The following BBOX1 variants were observed in gnomAD, a reference collection of about 807,000 sequenced individuals.
BBOX1 encodes the protein gamma-butyrobetaine hydroxylase 1, also known as gamma-butyrobetaine dioxygenase.
In BBOX1, 35 loss-of-function variants were observed where a neutral mutation model predicts 41.6. The observed-to-expected ratio is 0.84, with a 90% confidence interval of 0.64 to 1.11. The LOEUF is 1.11. BBOX1 is among the 50% of genes most tolerant of loss of function. The pLI, the probability that BBOX1 is intolerant of heterozygous loss-of-function variation, is 0.00. For synonymous variants in BBOX1, 163 were observed against 154.7 expected, an observed-to-expected ratio of 1.05 and a Z score of -0.40; for missense variants, 458 against 460.6, an observed-to-expected ratio of 0.99 and a Z score of 0.05.
chr11:27,108,457 T>C (rs929279982), intron 5 of BBOX1, among the ~76,000 whole-genome samples: 3 of 152,140 alleles, frequency 2.0e-5, no homozygotes, highest in African/African-American at 7.2e-5. Context: ...AATTACTTTT[T>C]TGATCTCCTT....
intron 7 of BBOX1, among the ~76,000 whole-genome samples, chr11:27,122,511 G>A (rs1017576205): frequency 1.3e-5 from 2 of 152,098 alleles, no homozygotes; most frequent in Admixed American, 6.5e-5. Context: ...CACACTTACT[G>A]GGGGGAGATT....
chr11:27,059,951 T>C (rs1857091906), intron 4 of BBOX1, among the ~76,000 whole-genome samples: 2 of 152,222 alleles, frequency 1.3e-5, no homozygotes, highest in Admixed American at 1.3e-4. Flanking sequence ...GATGAAACTT[T>C]AAACTTCAGA....
chr11:27,104,674 A>G (rs141748296), intron 5 of BBOX1, among the ~76,000 whole-genome samples: 1,687 of 152,252 alleles, frequency 0.011, 31 homozygotes, highest in African/African-American at 0.039. Context: ...AAAAAATGGC[A>G]TGAGAACAAA....
rs561378899 is a variant in BBOX1 at position 27,076,406 on chromosome 11, C to T, written c.335-16762C>T. On this transcript the variant is annotated intron_variant, in intron 4 of 8. Transcript: ENST00000263182. ...CAGGACCTCCTGGTTAGCCATGGTG[C>T]TGCAGGCAACGGTGATAGCTGAGGT... Among the ~76,000 whole-genome samples the T allele has an allele frequency of 2.0e-5, 3 of 152,312 alleles. No individual in the cohort carries two copies. The South Asian group carries it at 6.2e-4, about 32-fold the overall frequency.
At chr11:27,064,400 C>T (rs947698736) in intron 4 of BBOX1, among the ~76,000 whole-genome samples, 4 of 152,122 alleles carry the variant, frequency 2.6e-5, no homozygotes, top group African/African-American at 9.7e-5. Flanking sequence ...AACTCAGATA[C>T]ACAGGTGGGA....
At chr11:27,112,861 G>A (rs560941864) in intron 5 of BBOX1, among the ~76,000 whole-genome samples, 1 of 151,826 alleles carries the variant, frequency 6.6e-6, no homozygotes, top group African/African-American at 2.4e-5. Context: ...ACAACAAAGT[G>A]AACAGACAAC....
rs977940223 is a variant in BBOX1 at position 27,085,651 on chromosome 11, C to A, written c.335-7517C>A. 2.6e-5 allele frequency among the ~76,000 whole-genome samples: 4 copies of A among 151,494 alleles called. No individual in the cohort carries two copies. In the East Asian group the frequency reaches 7.8e-4, roughly 29 times the overall value. ...TATTTAAGTTAGGCAAATTAATAACCCCACAATGACCTCTAAGTCTTTCAG... is the reference window on the plus strand; with the variant it reads ...TATTTAAGTTAGGCAAATTAATAACACCACAATGACCTCTAAGTCTTTCAG... On this transcript the variant is annotated intron_variant, in intron 4 of 8. Coordinates refer to ENST00000263182, the MANE Select transcript of BBOX1 (RefSeq NM_003986.3).
chr11:27,053,999 A>G (rs1856893982), intron 2 of BBOX1, among the ~76,000 whole-genome samples: 1 of 152,186 alleles, frequency 6.6e-6, no homozygotes, highest in Admixed American at 6.5e-5. Context: ...ATCCAAGCCA[A>G]TGATCTGAGG....
intron 2 of BBOX1, among the ~76,000 whole-genome samples, chr11:27,054,646 T>C (rs1856924422): frequency 6.6e-6 from 1 of 152,114 alleles, no homozygotes; most frequent in Admixed American, 6.5e-5. Flanking sequence ...CCAAGTAATA[T>C]GAAGGTATAC....
At chr11:27,098,597 T>C (rs1858532388) in intron 5 of BBOX1, among the ~76,000 whole-genome samples, 1 of 152,118 alleles carries the variant, frequency 6.6e-6, no homozygotes, top group Non-Finnish European at 1.5e-5. Context: ...TATCATACTA[T>C]AATTCTGGTA....
intron 6 of BBOX1, among the ~76,000 whole-genome samples, chr11:27,117,530 G>C (rs1859311006): frequency 6.6e-6 from 1 of 151,928 alleles, no homozygotes; most frequent in Non-Finnish European, 1.5e-5. Flanking sequence ...AGAGTTAAGA[G>C]CCAAATTAAT....
intron 5 of BBOX1, among the ~76,000 whole-genome samples, chr11:27,095,811 C>G (rs1858418611): frequency 6.6e-6 from 1 of 151,890 alleles, no homozygotes; most frequent in Non-Finnish European, 1.5e-5. Flanking sequence ...TTTTCTCTAA[C>G]ATTGTCCCCT....
At chr11:27,105,786 C>T (rs1027160930) in intron 5 of BBOX1, among the ~76,000 whole-genome samples, 5 of 152,138 alleles carry the variant, frequency 3.3e-5, no homozygotes, top group Non-Finnish European at 4.4e-5. Flanking sequence ...AGACACATAA[C>T]TGTCAGATTC....
At chr11:27,081,126 A>G (rs572599213) in intron 4 of BBOX1, among the ~76,000 whole-genome samples, 1 of 152,266 alleles carries the variant, frequency 6.6e-6, no homozygotes, top group South Asian at 2.1e-4. Context: ...ACAAAGGATC[A>G]TATCAGATGT....
chr11:27,123,525 G>T (rs1303760487), intron 7 of BBOX1, among the ~76,000 whole-genome samples: 1 of 151,882 alleles, frequency 6.6e-6, no homozygotes. Flanking sequence ...TGACACAGAG[G>T]ATAATGTTAT....
chr11:27,075,192 C>A (rs1488238542), intron 4 of BBOX1, among the ~76,000 whole-genome samples: 1 of 152,030 alleles, frequency 6.6e-6, no homozygotes, highest in African/African-American at 2.4e-5. Context: ...TTTATTGCAG[C>A]CTTATTCAGC....
rs148033507 is a variant in BBOX1 at position 27,055,438 on chromosome 11, G to C, written c.8G>C (p.Cys3Ser). Reference sequence around the variant, plus strand: ...CTCCTGAAGACCGGAAACATGGCTTGTACCATCCAAAAGGCAGAAGCACTT... The same window carrying C: ...CTCCTGAAGACCGGAAACATGGCTTCTACCATCCAAAAGGCAGAAGCACTT... MA[C>S]TIQKAEALDG... The change falls in exon 3 of 9, where the codon TGT becomes TCT. Residue 3 changes from cysteine (C) to serine (S), a missense_variant. Transcript: ENST00000263182. 5.4e-4 allele frequency: 877 copies of C among 1,609,374 alleles called. 1 individual carries two copies. Among genetic ancestry groups the C allele is most frequent in the Non-Finnish European group, 6.3e-4 (737 of 1,178,848 alleles).
intron 4 of BBOX1, among the ~76,000 whole-genome samples, chr11:27,088,376 C>T (rs1049915360): frequency 2.0e-5 from 3 of 152,038 alleles, no homozygotes; most frequent in Non-Finnish European, 4.4e-5. Flanking sequence ...TATAGTGGCA[C>T]ATACTAAAGA....
chr11:27,111,844 C>T (rs1208393492), intron 5 of BBOX1, among the ~76,000 whole-genome samples: 2 of 151,872 alleles, frequency 1.3e-5, no homozygotes, highest in Non-Finnish European at 2.9e-5. Flanking sequence ...AAGTGGCTCC[C>T]TTTAAAAGTA....
Sources: allele counts gnomAD v4.1 joint callset (sites outside exome capture counted in the v4.1 genomes callset), GRCh38; gene constraint gnomAD v4.1.1; transcripts MANE v1.5; gene names NCBI Gene and HGNC (gene_info 2026-07-23, HGNC 2026-07-21).